AK5: variants seen among roughly 807,000 people sequenced by gnomAD.
AK5 encodes adenylate kinase 5.
Under a neutral mutation model 69.5 loss-of-function variants are expected in AK5, and 27 were observed. The ratio of observed to expected loss-of-function variants is 0.39; its 90% CI spans 0.29 to 0.54. The LOEUF is 0.54. Among genes scored for constraint, AK5 ranks in the 20% least tolerant of loss-of-function variants. AK5 has a pLI of 0.71. For synonymous variants in AK5, 260 were observed against 244.4 expected (o/e 1.06, Z -0.60); for missense variants, 531 against 700.4 (o/e 0.76, Z 2.73).
chr1:77,440,687 CT>C (rs1372962726), intron 8 of AK5, among the ~76,000 whole-genome samples: 10 of 151,302 alleles, frequency 6.6e-5, no homozygotes, highest in Admixed American at 2.6e-4. Context: ...CTTTTTCATT[CT>C]TTTTTTTTCT....
intron 12 of AK5, among the ~76,000 whole-genome samples, chr1:77,525,261 C>T (rs997654968): frequency 9.2e-5 from 14 of 152,122 alleles, no homozygotes; most frequent in African/African-American, 2.9e-4. Flanking sequence ...ATTTTGCATA[C>T]GGATATCTAG....
chr1:77,340,771 T>C, intron 6 of AK5: 1 of 438,486 alleles, frequency 2.3e-6, no homozygotes, highest in East Asian at 3.5e-5. Context: ...CTTTTTAATT[T>C]AATTGATTTT....
chr1:77,285,064 A>C (rs1429057953), intron 1 of AK5, among the ~76,000 whole-genome samples: 2 of 152,238 alleles, frequency 1.3e-5, no homozygotes, highest in Non-Finnish European at 2.9e-5. Flanking sequence ...AATTGGAAAC[A>C]TTGAATTGAA....
chr1:77,395,534 G>A (rs1648771162), intron 6 of AK5, among the ~76,000 whole-genome samples: 1 of 152,196 alleles, frequency 6.6e-6, no homozygotes, highest in African/African-American at 2.4e-5. Flanking sequence ...TTGCAGAGGT[G>A]AAAATATAAA....
At chr1:77,319,665 A>G (rs563867323) in intron 5 of AK5, among the ~76,000 whole-genome samples, 1 of 152,320 alleles carries the variant, frequency 6.6e-6, no homozygotes, top group East Asian at 1.9e-4. Context: ...AATTTCCTTA[A>G]TGTCTTTAAT....
intron 8 of AK5, among the ~76,000 whole-genome samples, chr1:77,479,949 C>T (rs182601448): frequency 1.3e-5 from 2 of 152,308 alleles, no homozygotes; most frequent in Admixed American, 6.5e-5. Context: ...CCTGATCAGA[C>T]GTCTCCTGAA....
rs150231966 is a variant in AK5 at position 77,317,017 on chromosome 1, T to A, written c.699+19070T>A. ...AAACAACAATATTTATAATTTCACG[T>A]GCTTTATATGGGTCAGGAAATCAAG... On this transcript the variant is annotated intron_variant, in intron 5 of 13. Coordinates refer to ENST00000354567, the MANE Select transcript of AK5 (RefSeq NM_174858.3). 2.6e-5 allele frequency among the ~76,000 whole-genome samples: 4 copies of A among 152,312 alleles called. No individual in the cohort carries two copies. In the East Asian group the frequency reaches 7.7e-4, roughly 29 times the overall value.
chr1:77,450,815 G>A (rs1653097206), intron 8 of AK5, among the ~76,000 whole-genome samples: 1 of 152,114 alleles, frequency 6.6e-6, no homozygotes, highest in Admixed American at 6.5e-5. Flanking sequence ...GTGTTTGCTT[G>A]TCTTTCAAGC....
At chr1:77,550,813 G>A (rs1659786319) in intron 13 of AK5, among the ~76,000 whole-genome samples, 1 of 152,182 alleles carries the variant, frequency 6.6e-6, no homozygotes, top group Non-Finnish European at 1.5e-5. Flanking sequence ...AGAATGAAAG[G>A]AGAAATTTGG....
intron 6 of AK5, among the ~76,000 whole-genome samples, chr1:77,374,782 T>C (rs1427044389): frequency 6.7e-6 from 1 of 150,158 alleles, no homozygotes; most frequent in Non-Finnish European, 1.5e-5. Context: ...ATCTCACCAC[T>C]ACTCTCCAGC....
At chr1:77,438,922 A>G (rs1473333277) in intron 8 of AK5, among the ~76,000 whole-genome samples, 1 of 152,166 alleles carries the variant, frequency 6.6e-6, no homozygotes, top group Admixed American at 6.5e-5. Flanking sequence ...TGGCCTTACA[A>G]TCAAATCAGA....
At chr1:77,288,929 C>T (rs1021659016) in intron 2 of AK5, among the ~76,000 whole-genome samples, 6 of 152,196 alleles carry the variant, frequency 3.9e-5, no homozygotes, top group African/African-American at 1.4e-4. Context: ...CATGTGGTTA[C>T]ATTCTATGGG....
chr1:77,528,770 ATCC>A, intron 12 of AK5, among the ~76,000 whole-genome samples: 1 of 152,312 alleles, frequency 6.6e-6, no homozygotes, highest in Middle Eastern at 3.4e-3. Flanking sequence ...TCTGATCACC[ATCC>A]TCATTCCCCA....
intron 13 of AK5, among the ~76,000 whole-genome samples, chr1:77,548,872 A>G (rs917774112): frequency 7.1e-6 from 1 of 141,002 alleles, no homozygotes; most frequent in African/African-American, 2.6e-5. Flanking sequence ...TCAGAAATTT[A>G]CTATTTCCTG....
rs1254074201 is a variant in AK5 at position 77,559,138 on chromosome 1, T to TGTC, written c.*469_*471dup. The TGTC allele has an allele frequency of 1.3e-5, 2 of 152,110 alleles. No individual in the cohort carries two copies. Among genetic ancestry groups the TGTC allele is most frequent in the African/African-American group, 2.5e-5 (1 of 40,762 alleles). 9.4% of individuals were successfully genotyped at this position (152,110 alleles called of 1,614,324 possible). A position where few individuals can be genotyped will look rare whatever the true frequency, so the allele number is the denominator to read the frequency against. On this transcript the variant is annotated 3_prime_UTR_variant, in exon 14 of 14. Transcript: ENST00000354567. ...GACAGCCCTGGGCATCTTCCTTTGGTGTCTGGCTGTTTTGTCAACTCTCAT... is the reference window on the plus strand; with the variant it reads ...GACAGCCCTGGGCATCTTCCTTTGGTGTCGTCTGGCTGTTTTGTCAACTCTCAT...
At chr1:77,460,242 A>G (rs945203386) in intron 8 of AK5, among the ~76,000 whole-genome samples, 18 of 152,270 alleles carry the variant, frequency 1.2e-4, no homozygotes, top group African/African-American at 4.1e-4. Flanking sequence ...AAAGGTGTAG[A>G]TAAGAGATTA....
intron 5 of AK5, among the ~76,000 whole-genome samples, chr1:77,327,660 A>T (rs1165259326): frequency 6.6e-6 from 1 of 152,168 alleles, no homozygotes; most frequent in Non-Finnish European, 1.5e-5. Flanking sequence ...GAAACAGCTG[A>T]TGTATTTTTT....
At chr1:77,485,942 C>A (rs1014951056) in intron 9 of AK5, among the ~76,000 whole-genome samples, 1 of 152,056 alleles carries the variant, frequency 6.6e-6, no homozygotes, top group African/African-American at 2.4e-5. Flanking sequence ...CATGGTGAAA[C>A]CCCCTCTTTA....
intron 8 of AK5, among the ~76,000 whole-genome samples, chr1:77,482,626 A>G (rs1367704721): frequency 2.6e-5 from 4 of 152,082 alleles, no homozygotes; most frequent in Admixed American, 6.5e-5. Flanking sequence ...TACAAAAATT[A>G]GCGCAGCACG....
Sources: gnomAD v4.1 joint callset for allele counts (sites outside exome capture counted in the v4.1 genomes callset) on GRCh38, gnomAD v4.1.1 for gene constraint, MANE v1.5 for transcripts, NCBI Gene and HGNC (gene_info 2026-07-23, HGNC 2026-07-21) for gene names.